Variants in TRIO observed in about 807,000 individuals in gnomAD.
TRIO encodes triple functional domain protein.
Under a neutral mutation model 351.9 loss-of-function variants are expected in TRIO, and 58 were observed. The ratio of observed to expected loss-of-function variants is 0.16; its 90% CI spans 0.13 to 0.21. The LOEUF (loss-of-function observed/expected upper bound fraction) is 0.21. Ranked by LOEUF, TRIO falls within the 10% of genes least tolerant of loss-of-function variation. TRIO has a pLI of 1.00. For synonymous variants in TRIO, 1,758 were observed against 1,595.7 expected (o/e 1.10, Z -2.42); for missense variants, 3,201 against 4,027.8 (o/e 0.79, Z 5.56).
At chr5:14,465,110 G>A (rs774082612) in intron 36 of TRIO, among the ~76,000 whole-genome samples, 4 of 151,708 alleles carry the variant, frequency 2.6e-5, no homozygotes, top group Non-Finnish European at 5.9e-5. Flanking sequence ...CCATTTCTTA[G>A]TACCTGTTTT....
chr5:14,361,004 C>A (rs1458986149), intron 13 of TRIO, among the ~76,000 whole-genome samples: 1 of 152,166 alleles, frequency 6.6e-6, no homozygotes, highest in African/African-American at 2.4e-5. Flanking sequence ...CCATGTCCTC[C>A]CCAAGGTAGC....
chr5:14,436,186 G>T (rs1196459238), intron 34 of TRIO, among the ~76,000 whole-genome samples: 1 of 152,172 alleles, frequency 6.6e-6, no homozygotes, highest in Non-Finnish European at 1.5e-5. Context: ...GACTGGGGAG[G>T]CGTCACAATC....
At chr5:14,176,142 C>A (rs1789389862) in intron 1 of TRIO, among the ~76,000 whole-genome samples, 1 of 151,998 alleles carries the variant, frequency 6.6e-6, no homozygotes. Flanking sequence ...CCCACCCTGT[C>A]TCTGTTAAAA....
intron 18 of TRIO, among the ~76,000 whole-genome samples, chr5:14,371,246 C>A (rs1222826672): frequency 6.6e-6 from 1 of 152,142 alleles, no homozygotes; most frequent in Non-Finnish European, 1.5e-5. Flanking sequence ...TTTTGACTTA[C>A]AATGGGTTTA....
At chr5:14,314,211 A>G (rs1220582502) in intron 8 of TRIO, among the ~76,000 whole-genome samples, 1 of 152,272 alleles carries the variant, frequency 6.6e-6, no homozygotes, top group Non-Finnish European at 1.5e-5. Flanking sequence ...ATCCTGAACT[A>G]AAATGCATAC....
At chr5:14,154,353 G>A (rs1293221333) in intron 1 of TRIO, among the ~76,000 whole-genome samples, 1 of 152,158 alleles carries the variant, frequency 6.6e-6, no homozygotes, top group East Asian at 1.9e-4. Context: ...AGTGAGAGGG[G>A]CAGGAGGGCA....
chr5:14,270,639 A>G (rs112731765), intron 1 of TRIO, among the ~76,000 whole-genome samples, 186 bp from the exon 2 acceptor site: 6 of 152,318 alleles, frequency 3.9e-5, no homozygotes, highest in African/African-American at 1.4e-4. Flanking sequence ...AAATCATTAA[A>G]CATTAAAATA....
At chr5:14,410,399 C>T (rs368279899) in intron 33 of TRIO, among the ~76,000 whole-genome samples, 6 of 152,248 alleles carry the variant, frequency 3.9e-5, no homozygotes, top group South Asian at 2.1e-4. Context: ...TCAAGGACTC[C>T]ATCCTTTCCC....
intron 33 of TRIO, among the ~76,000 whole-genome samples, chr5:14,408,080 T>C (rs1748880990): frequency 1.3e-5 from 2 of 152,164 alleles, no homozygotes; most frequent in Admixed American, 1.3e-4. Context: ...AGCCCACTCA[T>C]TGGTAGGAAG....
In TRIO at chr5:14,509,710, C is replaced by T. The variant is rs1250309596; in HGVS notation, c.*1288C>T. The stretch of plus-strand genomic sequence containing the variant: ...AGCACTGGCCGCCCCGCGGCTGGTA[C>T]CCAATGCCCGAGTCACTGTGGCAGC... On this transcript the variant is annotated 3_prime_UTR_variant, in exon 57 of 57. Coordinates refer to ENST00000344204, the MANE Select transcript of TRIO (RefSeq NM_007118.4). The T allele has an allele frequency of 2.2e-5, 7 of 320,552 alleles. No individual in the cohort carries two copies. Among genetic ancestry groups the T allele is most frequent in the Non-Finnish European group, 3.6e-5 (6 of 166,862 alleles). 19.9% of individuals were successfully genotyped at this position (320,552 alleles called of 1,614,324 possible). A position where few individuals can be genotyped will look rare whatever the true frequency, so the allele number is the denominator to read the frequency against.
chr5:14,488,720 TG>T, intron 48 of TRIO: 1 of 573,990 alleles, frequency 1.7e-6, no homozygotes, highest in Non-Finnish European at 3.1e-6. Context: ...ACTCATCTGC[TG>T]GGGAAGACCA....
chr5:14,497,072 AG>A lies in TRIO; in HGVS notation c.8019+58del. On this transcript the variant is annotated intron_variant, in intron 50 of 56. Coordinates refer to ENST00000344204, the MANE Select transcript of TRIO (RefSeq NM_007118.4). The surrounding 1 kb of genome is among the most constrained non-coding windows in gnomAD (Gnocchi z 4.4). ...TCATCCCAGCATGAGAGAAAGGATC[AG>A]GGAGGGCAGAGACTCTGCAGACCTG... is the stretch of plus-strand genomic sequence containing the variant. 6.2e-7 allele frequency: 1 copy of A among 1,600,202 alleles called. No individual in the cohort carries two copies. Among genetic ancestry groups the A allele is most frequent in the Non-Finnish European group, 8.5e-7 (1 of 1,172,364 alleles).
intron 3 of TRIO, among the ~76,000 whole-genome samples, chr5:14,281,801 C>CTT (rs1736029530): frequency 6.6e-6 from 1 of 152,060 alleles, no homozygotes; most frequent in African/African-American, 2.4e-5. Flanking sequence ...AGAGAAAACT[C>CTT]GGCCATAATA....
rs192809177 is a variant in TRIO, at chr5:14,379,799, T to C, written c.3448-1331T>C. 5.1e-4 allele frequency among the ~76,000 whole-genome samples: 77 copies of C among 152,368 alleles called. No homozygotes were observed. In the East Asian group the frequency reaches 0.014, roughly 28 times the overall value. On this transcript the variant is annotated intron_variant, in intron 20 of 56. Coordinates refer to ENST00000344204, the MANE Select transcript of TRIO (RefSeq NM_007118.4). ...GTCCGCTTATTCACCGAAAATAAAA[T>C]CCTGAAGTGCGTGCTGTTGCAGGTG... is the stretch of plus-strand genomic sequence containing the variant.
chr5:14,374,470 A>G lies in TRIO; in HGVS notation c.3331+127A>G, dbSNP rs575700840. ...TTTAAATGTCCGTTTCATGTTAATG[A>G]AGTCCTTACTAATGATCTTAGTTTA... is the stretch of plus-strand genomic sequence containing the variant. On this transcript the variant is annotated intron_variant, in intron 19 of 56. Transcript: ENST00000344204. 138 of 576,272 alleles carry G rather than the reference A, an allele frequency of 2.4e-4. 3 individuals are homozygous for G. In the South Asian group the frequency reaches 3.3e-3, roughly 14 times the overall value. 35.7% of individuals were successfully genotyped at this position (576,272 alleles called of 1,614,324 possible).
chr5:14,225,911 T>A (rs990618823), intron 1 of TRIO, among the ~76,000 whole-genome samples: 1 of 151,114 alleles, frequency 6.6e-6, no homozygotes, highest in Admixed American at 6.6e-5. Context: ...ACTTGCAGGT[T>A]GAACTAATGA....
chr5:14,288,355 TGC>T (rs1311497159), intron 4 of TRIO, among the ~76,000 whole-genome samples: 30 of 152,162 alleles, frequency 2.0e-4, no homozygotes, highest in African/African-American at 6.8e-4. Flanking sequence ...ACCCAGTGAT[TGC>T]CTCTGTGGAG....
Position 14,291,245 on chromosome 5 carries a change from C to G in TRIO, c.1053+17C>G. 6.2e-7 allele frequency: 1 copy of G among 1,603,868 alleles called. No homozygotes were observed. Among genetic ancestry groups the G allele is most frequent in the South Asian group, 1.1e-5 (1 of 89,434 alleles). ...GCTGAGAAGGTAAAGACGGGGGAGG[C>G]TAATGCCTCAGTGGACATGGGGGAA... On this transcript the variant is annotated intron_variant, in intron 5 of 56. Coordinates refer to ENST00000344204, the MANE Select transcript of TRIO (RefSeq NM_007118.4).
chr5:14,156,995 G>A (rs906875826), intron 1 of TRIO, among the ~76,000 whole-genome samples: 4 of 152,204 alleles, frequency 2.6e-5, no homozygotes, highest in African/African-American at 9.7e-5. Flanking sequence ...AAAACAGTTT[G>A]TCATCTTCAT....
Sources: allele counts gnomAD v4.1 joint callset (sites outside exome capture counted in the v4.1 genomes callset), GRCh38; gene constraint gnomAD v4.1.1; non-coding constraint Gnocchi (gnomAD v3.1); transcripts MANE v1.5; gene names NCBI Gene and HGNC (gene_info 2026-07-23, HGNC 2026-07-21).